Variants in SEMA6D observed in about 807,000 individuals in gnomAD.
The protein encoded by SEMA6D is semaphorin 6D, also known as semaphorin-6D.
In SEMA6D, 35 loss-of-function variants were observed where a neutral mutation model predicts 106.6. The observed-to-expected ratio is 0.33, with a 90% CI of 0.25 to 0.44. The LOEUF is 0.44. SEMA6D is among the 20% of genes least tolerant of loss of function. The probability of loss-of-function intolerance (pLI) is 1.00; values close to 1 mark genes in which losing one functional copy is unlikely to be tolerated. For missense variants in SEMA6D, 1,185 were observed against 1,345.9 expected, an observed-to-expected ratio of 0.88 and a Z score of 1.87; for synonymous variants, 499 against 487.7, an observed-to-expected ratio of 1.02 and a Z score of -0.31.
intron 3 of SEMA6D, among the ~76,000 whole-genome samples, chr15:47,571,131 G>A (rs766557061): frequency 1.3e-5 from 2 of 152,034 alleles, no homozygotes; most frequent in African/African-American, 4.8e-5. Flanking sequence ...TATCTTACAC[G>A]TTCACTGTGA....
At chr15:47,198,191 G>A (rs974151276) in intron 1 of SEMA6D, among the ~76,000 whole-genome samples, 9 of 152,024 alleles carry the variant, frequency 5.9e-5, no homozygotes, top group African/African-American at 1.9e-4. Flanking sequence ...TGGTGCAGAG[G>A]GTGGGAAGAT....
chr15:47,459,583 TA>T (rs1473558806), intron 2 of SEMA6D, among the ~76,000 whole-genome samples: 6 of 151,924 alleles, frequency 3.9e-5, no homozygotes, highest in Non-Finnish European at 1.5e-5. Context: ...TGAAGGGAAG[TA>T]ACAGTGGAAA....
intron 1 of SEMA6D, among the ~76,000 whole-genome samples, chr15:47,741,181 T>G (rs564898935): frequency 3.8e-4 from 58 of 152,318 alleles, no homozygotes; most frequent in African/African-American, 1.3e-3. Context: ...GCTGCAGGGA[T>G]TAAGACTACA....
At chr15:47,469,701 T>C (rs2042773105) in intron 2 of SEMA6D, among the ~76,000 whole-genome samples, 1 of 152,176 alleles carries the variant, frequency 6.6e-6, no homozygotes, top group Admixed American at 6.5e-5. Flanking sequence ...TCCTTGACTC[T>C]GTCTTCATTT....
chr15:47,578,149 T>C (rs1026124630), intron 3 of SEMA6D, among the ~76,000 whole-genome samples: 8 of 152,206 alleles, frequency 5.3e-5, no homozygotes, highest in African/African-American at 1.7e-4. Flanking sequence ...CATTAGTATA[T>C]AGTGGAACAG....
chr15:47,691,538 C>G (rs1253830165), intron 4 of SEMA6D, among the ~76,000 whole-genome samples: 1 of 152,232 alleles, frequency 6.6e-6, no homozygotes, highest in East Asian at 1.9e-4. Flanking sequence ...TTAACCTTCT[C>G]TTTAACAAAA....
intron 2 of SEMA6D, among the ~76,000 whole-genome samples, chr15:47,412,958 G>A (rs781679095): frequency 2.6e-5 from 4 of 152,154 alleles, no homozygotes; most frequent in Non-Finnish European, 5.9e-5. Flanking sequence ...ACTCTCTGAG[G>A]CCGATGACAG....
At chr15:47,409,774 G>A (rs1252653362) in intron 1 of SEMA6D, among the ~76,000 whole-genome samples, 1 of 152,022 alleles carries the variant, frequency 6.6e-6, no homozygotes, top group African/African-American at 2.4e-5. Context: ...CTCTTAATCT[G>A]TTGAGTCATA....
At chr15:47,244,166 A>G (rs1333036254) in intron 1 of SEMA6D, among the ~76,000 whole-genome samples, 3 of 152,248 alleles carry the variant, frequency 2.0e-5, no homozygotes, top group East Asian at 3.9e-4. Flanking sequence ...GGGAAGGGCC[A>G]TAAGAAGAGC....
rs548985930 is a variant in SEMA6D at position 47,617,844 on chromosome 15, T to C, written c.-55+16948T>C. 1.2e-3 allele frequency among the ~76,000 whole-genome samples: 178 copies of C among 152,318 alleles called. 1 individual carries two copies. Among genetic ancestry groups the C allele is most frequent in the African/African-American group, 4.1e-3 (172 of 41,570 alleles). ...TGCCTGGCACAAAGCAAGAGCTAGATGCTGTGTAACTATTAGTTACTCTTA... is the reference window on the plus strand; with the variant it reads ...TGCCTGGCACAAAGCAAGAGCTAGACGCTGTGTAACTATTAGTTACTCTTA... On this transcript the variant is annotated intron_variant, in intron 4 of 19. Coordinates refer to the SEMA6D transcript ENST00000558014.
intron 3 of SEMA6D, among the ~76,000 whole-genome samples, chr15:47,549,501 A>C (rs2045619467): frequency 1.3e-5 from 2 of 152,162 alleles, no homozygotes; most frequent in Non-Finnish European, 2.9e-5. Flanking sequence ...TGGTGACTAC[A>C]GTGCTATTCC....
chr15:47,362,254 G>C (rs891948735), intron 1 of SEMA6D, among the ~76,000 whole-genome samples: 2 of 152,202 alleles, frequency 1.3e-5, no homozygotes, highest in Admixed American at 6.5e-5. Flanking sequence ...ACTCACGCCT[G>C]CCTTGGTGAA....
chr15:47,438,329 A>G (rs1008979320), intron 2 of SEMA6D, among the ~76,000 whole-genome samples: 2 of 151,932 alleles, frequency 1.3e-5, no homozygotes, highest in Non-Finnish European at 2.9e-5. Flanking sequence ...TTGTCTCATG[A>G]TCTCCTAGAA....
intron 7 of SEMA6D, 85 bp from the exon 8 acceptor site, chr15:47,762,115 C>T: frequency 2.7e-6 from 4 of 1,507,468 alleles, no homozygotes; most frequent in Non-Finnish European, 2.7e-6. Context: ...AGTGAGAGCG[C>T]TCCAAAGGGC....
chr15:47,483,325 T>C (rs903455111), intron 3 of SEMA6D, among the ~76,000 whole-genome samples: 3 of 152,198 alleles, frequency 2.0e-5, no homozygotes, highest in Non-Finnish European at 4.4e-5. Flanking sequence ...GACCAGAGAC[T>C]GATCAACTTG....
At chr15:47,482,342 C>T (rs372489641) in intron 3 of SEMA6D, among the ~76,000 whole-genome samples, 12 of 152,194 alleles carry the variant, frequency 7.9e-5, no homozygotes, top group African/African-American at 2.9e-4. Flanking sequence ...GCTGATGAGG[C>T]ATTAATCTGA....
chr15:47,320,296 T>C (rs1264230455), intron 1 of SEMA6D, among the ~76,000 whole-genome samples: 1 of 152,180 alleles, frequency 6.6e-6, no homozygotes, highest in Admixed American at 6.5e-5. Flanking sequence ...CACCATCCTC[T>C]TGGTACCCCT....
intron 1 of SEMA6D, among the ~76,000 whole-genome samples, chr15:47,338,295 G>A (rs115220253): frequency 4.9e-4 from 75 of 152,270 alleles, no homozygotes; most frequent in African/African-American, 1.6e-3. Flanking sequence ...CCACTGTTTG[G>A]TATACTTGTC....
chr15:47,335,269 G>T (rs1032605445), intron 1 of SEMA6D, among the ~76,000 whole-genome samples: 3 of 152,098 alleles, frequency 2.0e-5, no homozygotes, highest in Admixed American at 6.6e-5. Flanking sequence ...AATGTCTTTG[G>T]TTTTAAATGC....
Sources: allele counts gnomAD v4.1 joint callset (sites outside exome capture counted in the v4.1 genomes callset), GRCh38; gene constraint gnomAD v4.1.1; transcripts MANE v1.5; gene names NCBI Gene and HGNC (gene_info 2026-07-23, HGNC 2026-07-21).